Variants in SGCD observed in about 807,000 individuals in gnomAD.
The protein encoded by SGCD is delta-sarcoglycan.
SGCD carries 18 observed loss-of-function variants against 36.6 expected under a neutral mutation model. The observed-to-expected ratio is 0.49, with a 90% confidence interval of 0.34 to 0.73. The LOEUF is 0.73. Ranked by LOEUF, SGCD falls within the 30% of genes least tolerant of loss-of-function variation. The probability of loss-of-function intolerance (pLI) is 0.01; values close to 1 mark genes in which losing one functional copy is unlikely to be tolerated. For missense variants in SGCD, 387 were observed against 346.7 expected (o/e 1.12, Z -0.92); for synonymous variants, 133 against 130.6 (o/e 1.02, Z -0.12).
At chr5:156,338,088 T>C (rs545999518) in intron 2 of SGCD, among the ~76,000 whole-genome samples, 2 of 152,304 alleles carry the variant, frequency 1.3e-5, no homozygotes, top group East Asian at 3.9e-4. Context: ...TCATGGCCCA[T>C]ACAATTTTAC....
chr5:155,959,338 A>G (rs1276062381), intron 1 of SGCD, among the ~76,000 whole-genome samples: 7 of 152,096 alleles, frequency 4.6e-5, no homozygotes, highest in Non-Finnish European at 1.0e-4. Flanking sequence ...CCCTCTCTTC[A>G]GGTTCCTTCC....
chr5:155,960,237 C>G (rs1296792402), intron 1 of SGCD, among the ~76,000 whole-genome samples: 1 of 152,090 alleles, frequency 6.6e-6, no homozygotes, highest in Non-Finnish European at 1.5e-5. Context: ...ACAAGGACAT[C>G]TGTTTCTCTC....
intron 1 of SGCD, among the ~76,000 whole-genome samples, chr5:156,029,718 C>T (rs956896936): frequency 1.3e-5 from 2 of 152,144 alleles, no homozygotes; most frequent in Admixed American, 6.5e-5. Context: ...TGGATCATTT[C>T]CCATTTCTGT....
At chr5:155,929,861 A>G (rs187817168) in intron 1 of SGCD, among the ~76,000 whole-genome samples, 3 of 152,136 alleles carry the variant, frequency 2.0e-5, no homozygotes, top group Admixed American at 1.3e-4. Flanking sequence ...ACAACTTTCC[A>G]TATTCACTTT....
upstream of SGCD, chr5:155,870,227 G>T (rs1755605057): frequency 6.6e-6 from 1 of 152,152 alleles, no homozygotes; most frequent in South Asian, 2.1e-4. Context: ...ATTTTTCTGT[G>T]TCTCAATTTC....
At chr5:155,755,309 T>A in the SGCD span, among the ~76,000 whole-genome samples, 1 of 152,198 alleles carries the variant, frequency 6.6e-6, no homozygotes. Context: ...TTGATTCACA[T>A]AAACCACAAA....
rs1264227502 is a variant in SGCD at position 156,167,444 on chromosome 5, C to T, written c.-44+43425C>T. ...TATAACACATGGTAGATGCTTGTTG[C>T]TTTGTTGCAAGTATGGTAATATAGT... On this transcript the variant is annotated intron_variant, in intron 3 of 9. Coordinates refer to the SGCD transcript ENST00000517913. 3.3e-5 allele frequency among the ~76,000 whole-genome samples: 5 copies of T among 152,202 alleles called. No individual in the cohort carries two copies. In the East Asian group the frequency reaches 9.7e-4, roughly 29 times the overall value.
intron 3 of SGCD, among the ~76,000 whole-genome samples, chr5:156,241,251 CGT>C (rs60843726): frequency 0.26 from 37,699 of 144,770 alleles, 5,093 homozygotes; most frequent in East Asian, 0.61. Context: ...TAGACCAAAA[CGT>C]GTGTGTGTGT....
chr5:155,969,022 G>A (rs981485693), intron 1 of SGCD, among the ~76,000 whole-genome samples: 6 of 152,104 alleles, frequency 3.9e-5, no homozygotes, highest in African/African-American at 1.2e-4. Context: ...TTCTTTTTAA[G>A]GGCTGATAAT....
intron 7 of SGCD, among the ~76,000 whole-genome samples, chr5:156,725,954 T>C (rs1197267462): frequency 6.6e-6 from 1 of 152,270 alleles, no homozygotes; most frequent in African/African-American, 2.4e-5. Flanking sequence ...TTATGCTTTC[T>C]GTCAACTATT....
intron 6 of SGCD, among the ~76,000 whole-genome samples, chr5:156,601,154 C>T (rs559240942): frequency 6.6e-6 from 1 of 152,098 alleles, no homozygotes; most frequent in Non-Finnish European, 1.5e-5. Context: ...TTTATGTAAT[C>T]CCATATTTTT....
intron 3 of SGCD, among the ~76,000 whole-genome samples, chr5:156,271,593 TGA>T (rs1439290918): frequency 6.6e-6 from 1 of 152,182 alleles, no homozygotes; most frequent in Non-Finnish European, 1.5e-5. Context: ...AACTATTTAC[TGA>T]GAGTGTCTCA....
chr5:156,463,810 C>A (rs1469596478), intron 3 of SGCD, among the ~76,000 whole-genome samples: 1 of 152,046 alleles, frequency 6.6e-6, no homozygotes, highest in South Asian at 2.1e-4. Flanking sequence ...GCCTGGGCAA[C>A]ATGGCAAGAC....
chr5:155,805,711 C>T, the SGCD span, among the ~76,000 whole-genome samples: 3 of 152,220 alleles, frequency 2.0e-5, no homozygotes, highest in Non-Finnish European at 4.4e-5. Context: ...ACAGCTGTGA[C>T]ATATGGGACG....
At chr5:156,209,035 G>T (rs1200036471) in intron 3 of SGCD, among the ~76,000 whole-genome samples, 2 of 152,172 alleles carry the variant, frequency 1.3e-5, no homozygotes, top group Non-Finnish European at 2.9e-5. Context: ...GTAGAGGGAA[G>T]TGAGCACCAG....
chr5:156,678,955 C>A (rs975066378), intron 7 of SGCD, among the ~76,000 whole-genome samples: 1 of 152,100 alleles, frequency 6.6e-6, no homozygotes, highest in South Asian at 2.1e-4. Context: ...TTGGGCAAAT[C>A]AATGTTTTTT....
chr5:156,375,832 A>G (rs111372100), intron 3 of SGCD, among the ~76,000 whole-genome samples: 3 of 152,272 alleles, frequency 2.0e-5, no homozygotes, highest in African/African-American at 7.2e-5. Context: ...CTACCTATAC[A>G]GAGTTTATTT....
At chr5:155,954,563 C>CT (rs199889260) in intron 1 of SGCD, among the ~76,000 whole-genome samples, 30,010 of 130,684 alleles carry the variant, frequency 0.23, 3,184 homozygotes, top group East Asian at 0.3. Flanking sequence ...TTATGGGGTT[C>CT]TTTTTTTTTT....
intron 3 of SGCD, among the ~76,000 whole-genome samples, chr5:156,500,036 A>C (rs1461329924): frequency 6.6e-6 from 1 of 152,168 alleles, no homozygotes; most frequent in African/African-American, 2.4e-5. Flanking sequence ...CTGCATATGT[A>C]CTTTATATGT....
Sources: gnomAD v4.1 joint callset for allele counts (sites outside exome capture counted in the v4.1 genomes callset) on GRCh38, gnomAD v4.1.1 for gene constraint, MANE v1.5 for transcripts, NCBI Gene and HGNC (gene_info 2026-07-23, HGNC 2026-07-21) for gene names.